The following STYXL2 variants were observed in gnomAD, a reference collection of about 807,000 sequenced individuals.
STYXL2 encodes the protein serine/threonine/tyrosine-interacting-like protein 2.
Under a neutral mutation model 52.4 loss-of-function variants are expected in STYXL2, and 44 were observed. The ratio of observed to expected loss-of-function variants is 0.84; its 90% CI spans 0.66 to 1.08. STYXL2 has a LOEUF of 1.08. STYXL2 is among the 50% of genes least tolerant of loss of function. STYXL2 has a pLI of 0.00. For missense variants in STYXL2, 1,604 were observed against 1,471.7 expected, an observed-to-expected ratio of 1.09 and a Z score of -1.47; for synonymous variants, 604 against 586.9, an observed-to-expected ratio of 1.03 and a Z score of -0.42.
chr1:167,106,956 G>T (rs929944343), intron 2 of STYXL2, among the ~76,000 whole-genome samples: 2 of 152,184 alleles, frequency 1.3e-5, no homozygotes, highest in Non-Finnish European at 2.9e-5. Context: ...AAAACTTAAT[G>T]ACTAAGGACA....
chr1:167,096,058 G>A (rs1055147958), intron 2 of STYXL2, among the ~76,000 whole-genome samples: 1 of 152,092 alleles, frequency 6.6e-6, no homozygotes, highest in African/African-American at 2.4e-5. Flanking sequence ...AGGAGATCAA[G>A]CCCAGCCTGG....
At chr1:167,124,244 A>G (rs1667917091) in intron 5 of STYXL2, among the ~76,000 whole-genome samples, 1 of 152,096 alleles carries the variant, frequency 6.6e-6, no homozygotes, top group South Asian at 2.1e-4. Context: ...ACCTCCCTCT[A>G]GTGGCTGCTG....
chr1:167,105,749 C>G (rs1291740881), intron 2 of STYXL2, among the ~76,000 whole-genome samples: 1 of 152,212 alleles, frequency 6.6e-6, no homozygotes, highest in Non-Finnish European at 1.5e-5. Flanking sequence ...AGGTTTACAT[C>G]TCCCCCTCAT....
Position 167,126,713 on chromosome 1 carries a change from A to T in STYXL2, c.1582A>T (p.Ser528Cys). 6.2e-7 allele frequency: 1 copy of T among 1,614,216 alleles called. No individual in the cohort carries two copies. The highest frequency in any genetic ancestry group is 8.5e-7 in the Non-Finnish European group (1 of 1,180,038). The change falls in exon 6 of 6, where the codon AGT (serine) becomes TGT (cysteine). Residue 528 changes from serine to cysteine, a missense_variant. By Grantham distance (112) the Ser-to-Cys change is moderately radical. Coordinates refer to ENST00000361200, the MANE Select transcript of STYXL2 (RefSeq NM_001080426.3). ...DDEDSVGSEA[S>C]SFYNFCSRNK... Reference sequence around the variant, plus strand: ...TGAGGACAGCGTGGGCTCTGAGGCCAGTTCCTTCTACAACTTCTGCAGCAG... The same window carrying T: ...TGAGGACAGCGTGGGCTCTGAGGCCTGTTCCTTCTACAACTTCTGCAGCAG...
chr1:167,106,009 C>T (rs951863902), intron 2 of STYXL2, among the ~76,000 whole-genome samples: 2 of 152,224 alleles, frequency 1.3e-5, no homozygotes, highest in Admixed American at 6.5e-5. Flanking sequence ...AGCCGAACTT[C>T]AATCTTTACC....
intron 2 of STYXL2, among the ~76,000 whole-genome samples, chr1:167,108,886 C>T (rs1167590685): frequency 6.6e-6 from 1 of 152,210 alleles, no homozygotes; most frequent in Admixed American, 6.5e-5. Context: ...TCCAAACACA[C>T]ATCCTCACTG....
chr1:167,101,014 C>CT (rs1239933105), intron 2 of STYXL2, among the ~76,000 whole-genome samples: 1 of 152,160 alleles, frequency 6.6e-6, no homozygotes, highest in Non-Finnish European at 1.5e-5. Flanking sequence ...GTCTACAGTG[C>CT]TTTTTAAAAA....
intron 5 of STYXL2, among the ~76,000 whole-genome samples, chr1:167,122,653 A>T (rs930059294): frequency 5.9e-5 from 9 of 151,436 alleles, no homozygotes; most frequent in Non-Finnish European, 1.3e-4. Flanking sequence ...CTGTACTCTT[A>T]AAAAAAAAAT....
At position 167,126,577 on chromosome 1, in the gene STYXL2, G is replaced by C. The variant is rs1571349325; in HGVS notation, c.1446G>C (p.Glu482Asp). The change falls in exon 6 of 6, where the codon GAG (glutamate) becomes GAC (aspartate). Residue 482 changes from glutamate (E) to aspartate (D), a missense_variant. Physicochemically the swap from Glu to Asp is conservative, Grantham distance 45 (BLOSUM62 2). Coordinates refer to ENST00000361200, the MANE Select transcript of STYXL2 (RefSeq NM_001080426.3). ...SSESTWDAWN[E>D]RLLEIEKEAS... ...AGAGCACCTGGGACGCATGGAACGAGAGGCTGCTGGAGATTGAGAAGGAGG... is the reference window on the plus strand; with the variant it reads ...AGAGCACCTGGGACGCATGGAACGACAGGCTGCTGGAGATTGAGAAGGAGG... 3.1e-6 allele frequency: 5 copies of C among 1,614,082 alleles called. No homozygotes were observed. The highest frequency in any genetic ancestry group is 3.4e-6 in the Non-Finnish European group (4 of 1,180,002).
intron 2 of STYXL2, among the ~76,000 whole-genome samples, chr1:167,104,180 C>G (rs968632409): frequency 3.9e-5 from 6 of 152,108 alleles, no homozygotes; most frequent in Middle Eastern, 6.8e-3. Context: ...CCCCACCCCC[C>G]GTCTCTTCCT....
intron 5 of STYXL2, among the ~76,000 whole-genome samples, chr1:167,123,607 T>C (rs1314408362): frequency 6.6e-6 from 1 of 152,232 alleles, no homozygotes; most frequent in Non-Finnish European, 1.5e-5. Context: ...ATGCTCCTTA[T>C]AAGGCTTTTA....
chr1:167,115,192 G>C (rs1341000298), intron 3 of STYXL2, among the ~76,000 whole-genome samples: 2 of 152,186 alleles, frequency 1.3e-5, no homozygotes, highest in African/African-American at 2.4e-5. Flanking sequence ...CCCTTCTCTG[G>C]GGGCATCAAA....
intron 5 of STYXL2, among the ~76,000 whole-genome samples, chr1:167,124,769 A>G (rs773281065): frequency 2.6e-5 from 4 of 152,220 alleles, no homozygotes; most frequent in Non-Finnish European, 5.9e-5. Flanking sequence ...GTTTCAGTTG[A>G]CGGATGTAAA....
At chr1:167,117,956 C>T (rs1393665953) in intron 4 of STYXL2, among the ~76,000 whole-genome samples, 1 of 152,262 alleles carries the variant, frequency 6.6e-6, no homozygotes, top group Non-Finnish European at 1.5e-5. Flanking sequence ...AAAATGTTCA[C>T]AATACAGTAA....
rs144793075 is a variant in STYXL2 at position 167,126,889 on chromosome 1, G to T, written c.1758G>T (p.Leu586=). 3.7e-6 allele frequency: 6 copies of T among 1,612,512 alleles called. No individual in the cohort carries two copies. Among genetic ancestry groups the T allele is most frequent in the African/African-American group, 2.7e-5 (2 of 74,926 alleles). Residue 586 remains leucine (L), a synonymous_variant, in exon 6 of 6, where the codon CTG becomes CTT. Coordinates refer to ENST00000361200, the MANE Select transcript of STYXL2 (RefSeq NM_001080426.3). ...AGAAGAACCCCTCCGACGTCAGCCT[G>T]ACAGCCTACCAGGCCTGGAAGCTGA... ...VGEKNPSDVS[L]TAYQAWKLKH... is the part of the protein sequence containing the mutation.
chr1:167,105,772 G>C (rs769644012), intron 2 of STYXL2, among the ~76,000 whole-genome samples: 1 of 152,168 alleles, frequency 6.6e-6, no homozygotes, highest in African/African-American at 2.4e-5. Flanking sequence ...CGGCTGACTC[G>C]TAAAAGCATT....
chr1:167,106,500 A>C (rs1419012873), intron 2 of STYXL2, among the ~76,000 whole-genome samples: 1 of 152,184 alleles, frequency 6.6e-6, no homozygotes, highest in Non-Finnish European at 1.5e-5. Flanking sequence ...CCCAAACCTC[A>C]TTTTACATAA....
At chr1:167,101,137 C>G (rs759179038) in intron 2 of STYXL2, among the ~76,000 whole-genome samples, 1 of 152,122 alleles carries the variant, frequency 6.6e-6, no homozygotes, top group African/African-American at 2.4e-5. Context: ...AATAAGGAAA[C>G]AAACAACTCA....
chr1:167,115,868 G>A lies in STYXL2; in HGVS notation c.206-1460G>A, dbSNP rs1667711929. ...GGGGTCCCTCAGGGGGGTTAGAGGAGGGAAGAGAGAAGGGAAATGAAATCC... is the reference window on the plus strand; with the variant it reads ...GGGGTCCCTCAGGGGGGTTAGAGGAAGGAAGAGAGAAGGGAAATGAAATCC... On this transcript the variant is annotated intron_variant, in intron 3 of 5. Transcript: ENST00000361200. Among the ~76,000 whole-genome samples the A allele has an allele frequency of 2.0e-5, 3 of 152,282 alleles. No individual in the cohort carries two copies. The East Asian group carries it at 5.8e-4, about 29-fold the overall frequency.
Sources: allele counts gnomAD v4.1 joint callset (sites outside exome capture counted in the v4.1 genomes callset), GRCh38; gene constraint gnomAD v4.1.1; transcripts MANE v1.5; gene names NCBI Gene and HGNC (gene_info 2026-07-23, HGNC 2026-07-21).